Variants in ALG12 observed in about 807,000 individuals in gnomAD.
ALG12 encodes dol-P-Man:Man(7)GlcNAc(2)-PP-Dol alpha-1,6-mannosyltransferase.
Under a neutral mutation model 46.0 loss-of-function variants are expected in ALG12, and 36 were observed. That is an observed-to-expected ratio of 0.78 (90% CI 0.60 to 1.03). ALG12 has a LOEUF of 1.03. ALG12 is among the 50% of genes least tolerant of loss of function. The probability of loss-of-function intolerance (pLI) is 0.00; values close to 1 mark genes in which losing one functional copy is unlikely to be tolerated. For synonymous variants in ALG12, 326 were observed against 291.6 expected, an observed-to-expected ratio of 1.12 and a Z score of -1.20; for missense variants, 599 against 633.5, an observed-to-expected ratio of 0.95 and a Z score of 0.58.
rs2060537175 is a variant in ALG12 at position 49,905,394 on chromosome 22, C to T, written c.993-888G>A. On this transcript the variant is annotated intron_variant, in intron 7 of 9. Coordinates refer to ENST00000330817, the MANE Select transcript of ALG12 (RefSeq NM_024105.4). The surrounding 1 kb of genome is among the most constrained non-coding windows in gnomAD (Gnocchi z 4.9). Reference sequence around the variant, plus strand: ...TTGCTATGGTTTGGATCTGCGTCCCCACCAAATCTCATGTCCAACTGTGAT... The same window carrying T: ...TTGCTATGGTTTGGATCTGCGTCCCTACCAAATCTCATGTCCAACTGTGAT... 6.6e-6 allele frequency among the ~76,000 whole-genome samples: 1 copy of T among 152,172 alleles called. No individual in the cohort carries two copies. Among genetic ancestry groups the T allele is most frequent in the Non-Finnish European group, 1.5e-5 (1 of 68,032 alleles).
At chr22:49,875,038 G>T in the ALG12 span, among the ~76,000 whole-genome samples, 2 of 152,010 alleles carry the variant, frequency 1.3e-5, no homozygotes, top group African/African-American at 2.4e-5. Flanking sequence ...GAATCATGAC[G>T]TATTATCTTT....
chr22:49,914,346 G>A (rs142905070), intron 1 of ALG12, among the ~76,000 whole-genome samples: 144 of 152,358 alleles, frequency 9.5e-4, no homozygotes, highest in Non-Finnish European at 1.8e-3. Flanking sequence ...CACAGGGCTC[G>A]AGTGGCCAGC....
the ALG12 span, among the ~76,000 whole-genome samples, chr22:49,866,870 C>T: frequency 2.6e-5 from 4 of 152,150 alleles, no homozygotes; most frequent in East Asian, 1.9e-4. Flanking sequence ...AAGATGCTGG[C>T]GGCTCTTGAA....
intron 3 of ALG12, among the ~76,000 whole-genome samples, chr22:49,912,872 A>C (rs1221060809): frequency 6.7e-6 from 1 of 150,230 alleles, no homozygotes; most frequent in African/African-American, 2.4e-5. Flanking sequence ...GTCTCAAAAA[A>C]GAAAAAAAAA....
intron 1 of ALG12, among the ~76,000 whole-genome samples, chr22:49,914,864 G>A (rs1263239115): frequency 6.6e-6 from 1 of 152,196 alleles, no homozygotes; most frequent in Non-Finnish European, 1.5e-5. Context: ...AGTAGCCGCA[G>A]CTACAGGTGT....
the ALG12 span, chr22:49,889,638 A>T: frequency 2.4e-5 from 4 of 167,166 alleles, no homozygotes; most frequent in African/African-American, 7.2e-5. Flanking sequence ...TTTATCTCAT[A>T]CATTCCCTTC....
downstream of ALG12, among the ~76,000 whole-genome samples, chr22:49,895,879 G>C (rs1360185059): frequency 1.3e-5 from 2 of 152,100 alleles, no homozygotes; most frequent in Admixed American, 1.3e-4. Context: ...TATTTGATCA[G>C]CTGCAGTTAA....
At chr22:49,886,883 A>C in the ALG12 span, 3 of 1,613,966 alleles carry the variant, frequency 1.9e-6, no homozygotes, top group African/African-American at 1.3e-5. The surrounding 1 kb of genome is among the most constrained non-coding windows in gnomAD (Gnocchi z 7.7). Context: ...GTGAAGAAGA[A>C]AGACCCAAGA....
the ALG12 span, among the ~76,000 whole-genome samples, chr22:49,864,555 G>A: frequency 1.3e-5 from 2 of 152,254 alleles, no homozygotes; most frequent in Admixed American, 6.5e-5. Flanking sequence ...GGTGGCTTAC[G>A]CCTATAATCC....
chr22:49,893,041 GATGA>G, the ALG12 span, among the ~76,000 whole-genome samples: 21 of 152,278 alleles, frequency 1.4e-4, no homozygotes, highest in Middle Eastern at 6.8e-3. Flanking sequence ...AAAACACAAC[GATGA>G]ATGAAGAATT....
In ALG12 at chr22:49,903,617, G is replaced by A. The variant is rs2060526252; in HGVS notation, c.*221C>T. 1.4e-6 allele frequency: 1 copy of A among 699,926 alleles called. No homozygotes were observed. The highest frequency in any genetic ancestry group is 2.3e-4 in the Middle Eastern group (1 of 4,314). 43.4% of individuals were successfully genotyped at this position (699,926 alleles called of 1,614,324 possible). ...CCATCACCCTGGGCAGTGGCTCCCG[G>A]GGTGCCAACAAGACCTGGGCCCCTC... On this transcript the variant is annotated 3_prime_UTR_variant, in exon 10 of 10. Coordinates refer to ENST00000330817, the MANE Select transcript of ALG12 (RefSeq NM_024105.4).
downstream of ALG12, among the ~76,000 whole-genome samples, chr22:49,898,194 A>G (rs2147569370): frequency 6.6e-6 from 1 of 151,432 alleles, no homozygotes; most frequent in East Asian, 2.0e-4. Context: ...TTTTGTAGGG[A>G]CGGAGTATCA....
chr22:49,889,705 C>T, the ALG12 span: 3 of 167,216 alleles, frequency 1.8e-5, no homozygotes, highest in African/African-American at 2.4e-5. Context: ...CGTCTCTGCC[C>T]TCCAGTTGCT....
At chr22:49,885,288 A>G in the ALG12 span, 644 of 1,595,160 alleles carry the variant, frequency 4.0e-4, 4 homozygotes, top group East Asian at 0.013. Flanking sequence ...CTGACTTGCC[A>G]ACAGTGGTCA....
Position 49,904,055 on chromosome 22 carries a change from C to T in ALG12, c.1250G>A (p.Arg417Lys). ...GCCTGTCCCCGGCTGCACATCCTCC[C>T]TCTTGTCGTACCTGTGGGATGAGAG... Reference protein sequence around the residue: ...QVNSAWRYDKREDVQPGTGML... With the variant: ...QVNSAWRYDKKEDVQPGTGML... Residue 417 changes from arginine to lysine, a missense_variant, in exon 10 of 10, where the codon AGG (arginine) becomes AAG (lysine). Physicochemically the swap from Arg to Lys is conservative, Grantham distance 26. Coordinates refer to ENST00000330817, the MANE Select transcript of ALG12 (RefSeq NM_024105.4). The T allele has an allele frequency of 1.2e-6, 2 of 1,614,184 alleles. No individual in the cohort carries two copies. The highest frequency in any genetic ancestry group is 1.7e-6 in the Non-Finnish European group (2 of 1,180,010).
At chr22:49,916,707 T>C (rs2060611420) in intron 1 of ALG12, among the ~76,000 whole-genome samples, 1 of 152,162 alleles carries the variant, frequency 6.6e-6, no homozygotes, top group South Asian at 2.1e-4. Flanking sequence ...TCCCAGCTAC[T>C]CAGGAAGCTG....
chr22:49,867,859 C>T, the ALG12 span, among the ~76,000 whole-genome samples: 1 of 152,208 alleles, frequency 6.6e-6, no homozygotes, highest in Non-Finnish European at 1.5e-5. Context: ...TTAGTCCAGC[C>T]CCCCTCAAAT....
At chr22:49,885,922 G>A in the ALG12 span, 4 of 900,440 alleles carry the variant, frequency 4.4e-6, no homozygotes, top group South Asian at 2.8e-5. Context: ...GGTTTCCTTC[G>A]AGTCGCCAGC....
the ALG12 span, among the ~76,000 whole-genome samples, chr22:49,894,883 C>T: frequency 5.3e-5 from 8 of 152,228 alleles, no homozygotes; most frequent in Non-Finnish European, 1.0e-4. Flanking sequence ...AGGCCTCTCA[C>T]GTCCACCCAC....
Sources: gnomAD v4.1 joint callset for allele counts (sites outside exome capture counted in the v4.1 genomes callset) on GRCh38, gnomAD v4.1.1 for gene constraint, Gnocchi (gnomAD v3.1) non-coding constraint, MANE v1.5 for transcripts, NCBI Gene and HGNC (gene_info 2026-07-23, HGNC 2026-07-21) for gene names.